The following LPP variants were observed in gnomAD, a reference collection of about 807,000 sequenced individuals.
LPP encodes the protein lipoma-preferred partner.
Under a neutral mutation model 60.4 loss-of-function variants are expected in LPP, and 38 were observed. The observed-to-expected ratio is 0.63, with a 90% CI of 0.49 to 0.83. The LOEUF is 0.83. Among genes scored for constraint, LPP ranks in the 40% least tolerant of loss-of-function variants. LPP has a pLI of 0.00. For missense variants in LPP, 902 were observed against 783.6 expected (o/e 1.15, Z -1.80); for synonymous variants, 328 against 290.8 (o/e 1.13, Z -1.30).
chr3:188,419,579 G>A (rs1787222554), intron 4 of LPP, among the ~76,000 whole-genome samples: 1 of 152,186 alleles, frequency 6.6e-6, no homozygotes, highest in Non-Finnish European at 1.5e-5. Context: ...GGCAACCTAA[G>A]TTCTTTCAGT....
At chr3:188,781,206 A>G (rs1739530652) in intron 9 of LPP, among the ~76,000 whole-genome samples, 1 of 152,278 alleles carries the variant, frequency 6.6e-6, no homozygotes, top group African/African-American at 2.4e-5. Context: ...TGCCATAAGT[A>G]GGACTTAACC....
chr3:188,434,799 A>G (rs537665950), intron 4 of LPP, among the ~76,000 whole-genome samples: 25 of 152,322 alleles, frequency 1.6e-4, no homozygotes, highest in African/African-American at 6.0e-4. Context: ...GAATTAGATG[A>G]TGTCATAAAT....
intron 9 of LPP, among the ~76,000 whole-genome samples, chr3:188,764,238 T>C (rs895517758): frequency 2.6e-5 from 4 of 152,184 alleles, no homozygotes; most frequent in African/African-American, 9.7e-5. Flanking sequence ...TCTCCTGGTG[T>C]GACCTTGGGT....
chr3:188,245,843 A>G (rs1726759519), intron 2 of LPP, among the ~76,000 whole-genome samples: 1 of 152,138 alleles, frequency 6.6e-6, no homozygotes, highest in African/African-American at 2.4e-5. Flanking sequence ...CACCCAGCCC[A>G]GCCCTGCTTT....
At chr3:188,289,995 G>C (rs1331445956) in intron 2 of LPP, among the ~76,000 whole-genome samples, 1 of 148,936 alleles carries the variant, frequency 6.7e-6, no homozygotes, top group African/African-American at 2.5e-5. Flanking sequence ...AAACATGCAG[G>C]GTTTTTTTTT....
chr3:188,687,268 T>C (rs1042879642), intron 7 of LPP, among the ~76,000 whole-genome samples: 1 of 152,092 alleles, frequency 6.6e-6, no homozygotes, highest in Non-Finnish European at 1.5e-5. Flanking sequence ...TGGTATACCA[T>C]AGTCTGTTCT....
chr3:188,645,709 T>G (rs1032435970), intron 7 of LPP, among the ~76,000 whole-genome samples: 1 of 152,110 alleles, frequency 6.6e-6, no homozygotes, highest in Admixed American at 6.5e-5. Flanking sequence ...TAGGAAAATA[T>G]TTTTAAAGGG....
intron 9 of LPP, among the ~76,000 whole-genome samples, chr3:188,859,196 G>A (rs1764587453): frequency 6.6e-6 from 1 of 151,018 alleles, no homozygotes; most frequent in Admixed American, 6.6e-5. Flanking sequence ...TTCTTCCTGT[G>A]AAATGAATTT....
At chr3:188,464,478 G>T (rs1799880355) in intron 4 of LPP, among the ~76,000 whole-genome samples, 1 of 152,184 alleles carries the variant, frequency 6.6e-6, no homozygotes, top group Non-Finnish European at 1.5e-5. Flanking sequence ...CTGTGGTGCA[G>T]TGTCCATCTA....
chr3:188,188,460 C>G (rs1227333621), intron 1 of LPP, among the ~76,000 whole-genome samples: 2 of 152,140 alleles, frequency 1.3e-5, no homozygotes, highest in Admixed American at 6.6e-5. Flanking sequence ...CCATGATGCT[C>G]TTGTCACCTA....
chr3:188,470,980 T>C (rs1801699266), intron 4 of LPP, among the ~76,000 whole-genome samples: 1 of 152,178 alleles, frequency 6.6e-6, no homozygotes, highest in Admixed American at 6.5e-5. Context: ...AAGAGGCCCA[T>C]CCAGTTAGAG....
chr3:188,154,362 G>C (rs1257197069), intron 1 of LPP, among the ~76,000 whole-genome samples, 110 bp downstream of exon 1: 2 of 152,052 alleles, frequency 1.3e-5, no homozygotes, highest in African/African-American at 2.4e-5. Flanking sequence ...CGCAGGGCGC[G>C]CGCCCTGCTC....
chr3:188,261,152 A>G (rs78152249), intron 2 of LPP, among the ~76,000 whole-genome samples: 2,103 of 152,270 alleles, frequency 0.014, 28 homozygotes, highest in Non-Finnish European at 0.019. Flanking sequence ...TAATCTTACT[A>G]GATTGTTTGT....
At chr3:188,849,436 T>C (rs935825244) in intron 9 of LPP, among the ~76,000 whole-genome samples, 1 of 152,178 alleles carries the variant, frequency 6.6e-6, no homozygotes, top group East Asian at 1.9e-4. Context: ...TAGTAGAATG[T>C]TTTTTCTATA....
At chr3:188,747,025 G>A (rs1726443245) in intron 8 of LPP, among the ~76,000 whole-genome samples, 1 of 152,086 alleles carries the variant, frequency 6.6e-6, no homozygotes, top group Non-Finnish European at 1.5e-5. Context: ...TGAAGACTAG[G>A]ACGGTCCTTA....
Position 188,879,844 on chromosome 3 carries a change from A to G in LPP, c.*5365A>G, listed in dbSNP as rs1769720552. 4 of 180,954 alleles carry G rather than the reference A, an allele frequency of 2.2e-5. No individual in the cohort carries two copies. The highest frequency in any genetic ancestry group is 9.4e-5 in the African/African-American group (4 of 42,518). 11.2% of individuals were successfully genotyped at this position (180,954 alleles called of 1,614,324 possible). On this transcript the variant is annotated 3_prime_UTR_variant, in exon 12 of 12. Transcript: ENST00000617246. ...AATATTTTTCAGCAGGTTGGACAGC[A>G]CCAGTTTTTCTTAGATCACAGACTA...
chr3:188,252,295 T>G (rs1189179969), intron 2 of LPP, among the ~76,000 whole-genome samples: 1 of 147,830 alleles, frequency 6.8e-6, no homozygotes, highest in African/African-American at 2.5e-5. Flanking sequence ...TTTTTTCTTT[T>G]TTTTTGCACT....
rs2152094701 is a variant in LPP at position 188,885,217 on chromosome 3, T to G, written c.*10738T>G. On this transcript the variant is annotated 3_prime_UTR_variant, in exon 12 of 12. Coordinates refer to ENST00000617246, the MANE Select transcript of LPP (RefSeq NM_001375462.1). ...GTGAGAGAAAAAATATCATTTCTTC[T>G]CATTAAATCTCCTGCATTAAATCTA... 4.9e-6 allele frequency: 1 copy of G among 202,554 alleles called. No individual in the cohort carries two copies. The highest frequency in any genetic ancestry group is 7.7e-5 in the East Asian group (1 of 13,036). 12.5% of individuals were successfully genotyped at this position (202,554 alleles called of 1,614,324 possible).
At chr3:188,836,834 G>T (rs555266130) in intron 9 of LPP, among the ~76,000 whole-genome samples, 1 of 152,114 alleles carries the variant, frequency 6.6e-6, no homozygotes, top group Non-Finnish European at 1.5e-5. Flanking sequence ...GGGTTTCATG[G>T]TCATGCTTGG....
Sources: allele counts gnomAD v4.1 joint callset (sites outside exome capture counted in the v4.1 genomes callset), GRCh38; gene constraint gnomAD v4.1.1; transcripts MANE v1.5; gene names NCBI Gene and HGNC (gene_info 2026-07-23, HGNC 2026-07-21).